Variants in ZNF804A observed in about 807,000 individuals in gnomAD.
ZNF804A encodes zinc finger protein 804A.
Under a neutral mutation model 16.5 loss-of-function variants are expected in ZNF804A, and 2 were observed. The ratio of observed to expected loss-of-function variants is 0.12; its 90% CI spans 0.05 to 0.38. ZNF804A has a LOEUF of 0.38. Among genes scored for constraint, ZNF804A ranks in the 10% least tolerant of loss-of-function variants. The probability of loss-of-function intolerance (pLI) is 0.99; values close to 1 mark genes in which losing one functional copy is unlikely to be tolerated. For missense variants in ZNF804A, 1,473 were observed against 1,390.7 expected (o/e 1.06, Z -0.94); for synonymous variants, 534 against 489.6 (o/e 1.09, Z -1.20).
chr2:184,747,533 C>T (rs527868691), intron 1 of ZNF804A, among the ~76,000 whole-genome samples: 1 of 150,800 alleles, frequency 6.6e-6, no homozygotes, highest in Non-Finnish European at 1.5e-5. Context: ...AAATAATGTT[C>T]TTCTACTTAA....
intron 1 of ZNF804A, among the ~76,000 whole-genome samples, chr2:184,620,061 G>T (rs1029925538): frequency 3.3e-5 from 5 of 151,602 alleles, no homozygotes; most frequent in African/African-American, 1.2e-4. Flanking sequence ...TATGATATCA[G>T]ATTATGAATA....
intron 1 of ZNF804A, among the ~76,000 whole-genome samples, chr2:184,734,166 A>C (rs750057918): frequency 1.8e-4 from 28 of 151,980 alleles, no homozygotes; most frequent in Non-Finnish European, 3.4e-4. Context: ...GCATGCTCAA[A>C]CACCTAGGCT....
chr2:184,905,093 CTGTG>C (rs59253076), intron 2 of ZNF804A, among the ~76,000 whole-genome samples: 30 of 150,192 alleles, frequency 2.0e-4, no homozygotes, highest in South Asian at 6.3e-4. Flanking sequence ...ATTAGAGTGT[CTGTG>C]TGTGTGTGTG....
intron 1 of ZNF804A, among the ~76,000 whole-genome samples, chr2:184,727,335 A>G (rs937534619): frequency 6.6e-6 from 1 of 151,668 alleles, no homozygotes; most frequent in Non-Finnish European, 1.5e-5. Flanking sequence ...TCTGAGTACT[A>G]AAATTTAATC....
At chr2:184,799,227 C>T (rs112725983) in intron 1 of ZNF804A, among the ~76,000 whole-genome samples, 2,733 of 152,106 alleles carry the variant, frequency 0.018, 40 homozygotes, top group Middle Eastern at 0.034. Flanking sequence ...CCAGCCTCCA[C>T]TCACTGCTGT....
intron 1 of ZNF804A, among the ~76,000 whole-genome samples, chr2:184,797,449 C>T (rs1228951163): frequency 6.6e-6 from 1 of 152,076 alleles, no homozygotes; most frequent in Non-Finnish European, 1.5e-5. Context: ...AATAGCTACC[C>T]CTGCTTGCTT....
chr2:184,686,883 T>A (rs1273645092), intron 1 of ZNF804A, among the ~76,000 whole-genome samples: 2 of 152,206 alleles, frequency 1.3e-5, no homozygotes, highest in African/African-American at 4.8e-5. Context: ...ATTTCACAAT[T>A]TTTTTCTTGC....
chr2:184,794,234 A>C (rs190648613), intron 1 of ZNF804A, among the ~76,000 whole-genome samples: 1 of 151,712 alleles, frequency 6.6e-6, no homozygotes, highest in Non-Finnish European at 1.5e-5. Flanking sequence ...TCAACATCTA[A>C]ATTTTTAATT....
At chr2:184,845,293 A>T (rs1695494740) in intron 1 of ZNF804A, among the ~76,000 whole-genome samples, 2 of 152,094 alleles carry the variant, frequency 1.3e-5, no homozygotes, top group African/African-American at 2.4e-5. Context: ...GAAATGTATC[A>T]GGTAGTAGGA....
chr2:184,663,870 A>C (rs904039796), intron 1 of ZNF804A, among the ~76,000 whole-genome samples: 1 of 152,214 alleles, frequency 6.6e-6, no homozygotes, highest in Non-Finnish European at 1.5e-5. Flanking sequence ...TCTCCTTCAT[A>C]GCACAAAGCT....
At chr2:184,753,511 C>T (rs1470814531) in intron 1 of ZNF804A, among the ~76,000 whole-genome samples, 1 of 151,742 alleles carries the variant, frequency 6.6e-6, no homozygotes, top group Non-Finnish European at 1.5e-5. Context: ...AATATTAATG[C>T]TCTGGGCCTA....
chr2:184,812,272 T>C (rs1694913345), intron 1 of ZNF804A, among the ~76,000 whole-genome samples: 1 of 152,084 alleles, frequency 6.6e-6, no homozygotes, highest in Non-Finnish European at 1.5e-5. Flanking sequence ...CAACCACACA[T>C]TGTCTGAGTT....
At chr2:184,891,584 ATTC>A (rs1684985391) in intron 2 of ZNF804A, among the ~76,000 whole-genome samples, 1 of 145,220 alleles carries the variant, frequency 6.9e-6, no homozygotes, top group Non-Finnish European at 1.5e-5. Context: ...AACCACTGTT[ATTC>A]TTTTTTTCTC....
chr2:184,829,938 A>AAAAAAAAAAAG (rs1695235480), intron 1 of ZNF804A, among the ~76,000 whole-genome samples: 1 of 142,252 alleles, frequency 7.0e-6, no homozygotes, highest in Non-Finnish European at 1.5e-5. Context: ...ACAAAAAAAA[A>AAAAAAAAAAAG]AAAACCACAC....
intron 1 of ZNF804A, among the ~76,000 whole-genome samples, chr2:184,697,588 G>A (rs1339860424): frequency 5.3e-5 from 8 of 151,870 alleles, no homozygotes; most frequent in Non-Finnish European, 1.2e-4. Context: ...GGCTAATGAG[G>A]GATGTTATGA....
intron 1 of ZNF804A, among the ~76,000 whole-genome samples, chr2:184,757,858 T>C (rs1293943573): frequency 6.6e-6 from 1 of 152,020 alleles, no homozygotes. Flanking sequence ...CTGATCCCTC[T>C]AGAGCTTGAA....
chr2:184,792,405 A>T (rs1240541786), intron 1 of ZNF804A, among the ~76,000 whole-genome samples: 1 of 152,150 alleles, frequency 6.6e-6, no homozygotes, highest in African/African-American at 2.4e-5. Context: ...TAATTCCGTA[A>T]AGACATATGA....
At chr2:184,617,722 A>G (rs113176568) in intron 1 of ZNF804A, among the ~76,000 whole-genome samples, 1 of 151,602 alleles carries the variant, frequency 6.6e-6, no homozygotes, top group Non-Finnish European at 1.5e-5. Context: ...ATTATTTAAT[A>G]CAGTTTTATA....
At chr2:184,733,890 T>C (rs1314420528) in intron 1 of ZNF804A, among the ~76,000 whole-genome samples, 4 of 152,170 alleles carry the variant, frequency 2.6e-5, no homozygotes, top group African/African-American at 4.8e-5. Context: ...ATTTTAGCAA[T>C]TTGTGTGCAC....
Sources: allele counts gnomAD v4.1 joint callset (sites outside exome capture counted in the v4.1 genomes callset), GRCh38; gene constraint gnomAD v4.1.1; transcripts MANE v1.5; gene names NCBI Gene and HGNC (gene_info 2026-07-23, HGNC 2026-07-21).